RBFOX1: variants seen among roughly 807,000 people sequenced by gnomAD.
The protein encoded by RBFOX1 is RNA binding protein fox-1 homolog 1.
In RBFOX1, 8 loss-of-function variants were observed where a neutral mutation model predicts 57.7. That is an observed-to-expected ratio of 0.14 (90% CI 0.08 to 0.25). The LOEUF is 0.25. RBFOX1 is among the 10% of genes least tolerant of loss of function. The pLI is 1.00. For missense variants in RBFOX1, 611 were observed against 548.5 expected, an observed-to-expected ratio of 1.11 and a Z score of -1.14; for synonymous variants, 326 against 222.4, an observed-to-expected ratio of 1.47 and a Z score of -4.15.
intron 4 of RBFOX1, among the ~76,000 whole-genome samples, chr16:5,980,541 G>T (rs865810894): frequency 6.6e-5 from 10 of 152,152 alleles, no homozygotes; most frequent in East Asian, 3.8e-4. Context: ...GTGATCCTCC[G>T]CATTCTCAGA....
chr16:6,283,004 G>T (rs1288499274), intron 1 of RBFOX1, among the ~76,000 whole-genome samples: 1 of 152,180 alleles, frequency 6.6e-6, no homozygotes, highest in African/African-American at 2.4e-5. Context: ...AAGTGACTGA[G>T]TCTAGATGTG....
At chr16:5,310,229 C>G (rs1402740950) in intron 1 of RBFOX1, among the ~76,000 whole-genome samples, 3 of 152,088 alleles carry the variant, frequency 2.0e-5, no homozygotes, top group African/African-American at 4.8e-5. Flanking sequence ...TGGGGAAACC[C>G]TGTCTCTACA....
intron 3 of RBFOX1, among the ~76,000 whole-genome samples, chr16:6,942,939 C>A (rs765341720): frequency 6.6e-6 from 1 of 152,118 alleles, no homozygotes; most frequent in Non-Finnish European, 1.5e-5. Context: ...ATTGGAGATT[C>A]GACATCACCA....
intron 2 of RBFOX1, among the ~76,000 whole-genome samples, chr16:5,580,735 G>T (rs2046637684): frequency 6.6e-6 from 1 of 152,206 alleles, no homozygotes; most frequent in Non-Finnish European, 1.5e-5. Flanking sequence ...GAGAGGTGGG[G>T]ACTCCTACAC....
At position 5,336,431 on chromosome 16, in the gene RBFOX1, T is replaced by C. The variant is rs373333601; in HGVS notation, c.219+96326T>C. Among the ~76,000 whole-genome samples the C allele has an allele frequency of 2.0e-5, 3 of 152,280 alleles. No homozygotes were observed. The East Asian group carries it at 5.8e-4, about 29-fold the overall frequency. ...AACAGGGATGATGCTAGAGTCTCCT[T>C]ACAGGACTTCCGTTGCCGAGGATTG... is the stretch of plus-strand genomic sequence containing the variant. On this transcript the variant is annotated intron_variant, in intron 1 of 2. Transcript: ENST00000585867.
intron 4 of RBFOX1, among the ~76,000 whole-genome samples, chr16:7,448,356 T>G (rs1488371305): frequency 6.6e-6 from 1 of 151,944 alleles, no homozygotes; most frequent in African/African-American, 2.4e-5. Flanking sequence ...GAAAAAGAGG[T>G]TCAGTGGCCT....
intron 4 of RBFOX1, among the ~76,000 whole-genome samples, chr16:5,899,657 T>G (rs2058259465): frequency 6.6e-6 from 1 of 151,964 alleles, no homozygotes; most frequent in South Asian, 2.1e-4. Context: ...CCCTGGTGGG[T>G]GGTGCATTAT....
At chr16:6,773,881 T>A in intron 3 of RBFOX1, 1 of 877,656 alleles carries the variant, frequency 1.1e-6, no homozygotes, top group Non-Finnish European at 1.4e-6. Flanking sequence ...CGTTTGTCTG[T>A]GTGTATTTGT....
chr16:7,358,313 A>G (rs1596370666), intron 4 of RBFOX1, among the ~76,000 whole-genome samples: 1 of 152,272 alleles, frequency 6.6e-6, no homozygotes, highest in African/African-American at 2.4e-5. Flanking sequence ...GTGGCATCAG[A>G]GCAAATAATT....
At position 6,506,624 on chromosome 16, in the gene RBFOX1, ATTT is replaced by A. The variant is rs71145238; in HGVS notation, c.-63-147940_-63-147938del. Among the ~76,000 whole-genome samples, 384 of 98,044 alleles carry A rather than the reference ATTT, an allele frequency of 3.9e-3. 14 individuals carry two copies. The highest frequency in any genetic ancestry group is 6.4e-3 in the African/African-American group (146 of 22,848). 64.3% of individuals were successfully genotyped at this position (98,044 alleles called of 152,430 possible). On this transcript the variant is annotated intron_variant, in intron 2 of 15. Coordinates refer to ENST00000550418, the MANE Select transcript of RBFOX1 (RefSeq NM_018723.4). Reference sequence around the variant, plus strand: ...ACGGTAATAACAATCACAGTAGCTAATTTTTTTTTTTTTTTTTTTTTTTTTTTT... The same window carrying A: ...ACGGTAATAACAATCACAGTAGCTAATTTTTTTTTTTTTTTTTTTTTTTTT...
chr16:6,307,830 A>G (rs2079717160), intron 1 of RBFOX1, among the ~76,000 whole-genome samples: 1 of 146,960 alleles, frequency 6.8e-6, no homozygotes, highest in South Asian at 2.2e-4. Context: ...TATGTTATTT[A>G]TATGTTTATT....
intron 3 of RBFOX1, among the ~76,000 whole-genome samples, chr16:6,730,321 G>A (rs1441835571): frequency 1.3e-5 from 2 of 152,058 alleles, no homozygotes; most frequent in Admixed American, 6.5e-5. Context: ...TCTCATTCTT[G>A]CCCAATTTAG....
intron 4 of RBFOX1, among the ~76,000 whole-genome samples, chr16:7,411,922 AAAG>A (rs56935203): frequency 0.058 from 8,597 of 147,618 alleles, 285 homozygotes; most frequent in East Asian, 0.21. Context: ...AAAAAAAAAA[AAAG>A]ATAGGGAAAA....
intron 4 of RBFOX1, among the ~76,000 whole-genome samples, chr16:7,424,839 C>T (rs1303228837): frequency 6.6e-6 from 1 of 152,088 alleles, no homozygotes; most frequent in Non-Finnish European, 1.5e-5. Context: ...GGTTCTGGGT[C>T]TCCCTCTGGA....
chr16:6,409,378 C>T (rs891713952), intron 2 of RBFOX1, among the ~76,000 whole-genome samples: 9 of 152,142 alleles, frequency 5.9e-5, no homozygotes, highest in Non-Finnish European at 1.0e-4. Flanking sequence ...CATGCCATTG[C>T]CCTCCAGCCA....
intron 1 of RBFOX1, among the ~76,000 whole-genome samples, chr16:5,414,078 G>C (rs1011143200): frequency 3.3e-5 from 5 of 152,166 alleles, no homozygotes; most frequent in Non-Finnish European, 7.3e-5. Context: ...CTTTGGGGCT[G>C]TACAACACTC....
At chr16:7,308,816 T>A (rs946691966) in intron 4 of RBFOX1, among the ~76,000 whole-genome samples, 1 of 152,240 alleles carries the variant, frequency 6.6e-6, no homozygotes, top group Admixed American at 6.5e-5. Context: ...CAGCCACGGT[T>A]ATAAATTTTG....
chr16:5,756,129 C>G (rs1294172689), intron 3 of RBFOX1, among the ~76,000 whole-genome samples: 2 of 150,060 alleles, frequency 1.3e-5, no homozygotes, highest in East Asian at 4.0e-4. Context: ...CAGGTGGTGC[C>G]TCAGGGACTT....
chr16:6,909,870 A>C (rs1481147142), intron 3 of RBFOX1, among the ~76,000 whole-genome samples: 1 of 152,086 alleles, frequency 6.6e-6, no homozygotes, highest in African/African-American at 2.4e-5. Flanking sequence ...CGTGTGACTG[A>C]ATTTGCCTGC....
Sources: gnomAD v4.1 joint callset for allele counts (sites outside exome capture counted in the v4.1 genomes callset) on GRCh38, gnomAD v4.1.1 for gene constraint, MANE v1.5 for transcripts, NCBI Gene and HGNC (gene_info 2026-07-23, HGNC 2026-07-21) for gene names.